The following GRIK2 variants were observed in gnomAD, a reference collection of about 807,000 sequenced individuals.
GRIK2 encodes glutamate receptor ionotropic, kainate 2.
In GRIK2, 32 loss-of-function variants were observed where a neutral mutation model predicts 100.3. The ratio of observed to expected loss-of-function variants is 0.32; its 90% CI spans 0.24 to 0.43. GRIK2 has a LOEUF of 0.43. Among genes scored for constraint, GRIK2 ranks in the 20% least tolerant of loss-of-function variants. The probability of loss-of-function intolerance (pLI) is 1.00; values close to 1 mark genes in which losing one functional copy is unlikely to be tolerated. For missense variants in GRIK2, 843 were observed against 1,114.9 expected (o/e 0.76, Z 3.47); for synonymous variants, 417 against 389.4 (o/e 1.07, Z -0.83).
intron 12 of GRIK2, among the ~76,000 whole-genome samples, chr6:101,898,113 T>C (rs1464233680): frequency 6.6e-6 from 1 of 151,880 alleles, no homozygotes; most frequent in Non-Finnish European, 1.5e-5. Context: ...ACTGTGTGTT[T>C]TTATGATATG....
intron 7 of GRIK2, among the ~76,000 whole-genome samples, chr6:101,717,302 A>G (rs1341068857): frequency 1.3e-5 from 2 of 151,528 alleles, no homozygotes; most frequent in African/African-American, 4.8e-5. Flanking sequence ...ACTGCCTTTC[A>G]TCTTTCATTC....
rs58680927 is a variant in GRIK2, at chr6:101,822,207, T to TACACACAC, written c.1317+3754_1317+3761dup. 1.8e-3 allele frequency among the ~76,000 whole-genome samples: 251 copies of TACACACAC among 143,248 alleles called. No individual in the cohort carries two copies. The East Asian group carries it at 0.023, about 13-fold the overall frequency. The allele number at this position is 143,248 out of a possible 152,430, so 94.0% of individuals were successfully genotyped here. ...TGGCAGGAATTCATATGGAGAGTTT[T>TACACACAC]ACACACACACACACACACACACACA... is the stretch of plus-strand genomic sequence containing the variant. On this transcript the variant is annotated intron_variant, in intron 10 of 16. Transcript: ENST00000369134.
intron 7 of GRIK2, among the ~76,000 whole-genome samples, chr6:101,762,334 C>A (rs1001042492): frequency 2.0e-5 from 3 of 151,976 alleles, no homozygotes; most frequent in African/African-American, 4.8e-5. Flanking sequence ...ATCATGAAGC[C>A]TGGCTAATTT....
intron 2 of GRIK2, among the ~76,000 whole-genome samples, chr6:101,581,313 T>C (rs759093345): frequency 6.6e-5 from 10 of 151,998 alleles, no homozygotes; most frequent in East Asian, 1.9e-4. Flanking sequence ...TATATACATA[T>C]GTATATGTAT....
At chr6:101,466,144 G>A (rs1424619071) in intron 2 of GRIK2, among the ~76,000 whole-genome samples, 3 of 152,054 alleles carry the variant, frequency 2.0e-5, no homozygotes, top group Non-Finnish European at 2.9e-5. Flanking sequence ...ACGTCAAAGT[G>A]TTTCTTTCTG....
intron 13 of GRIK2, among the ~76,000 whole-genome samples, chr6:101,926,661 C>T (rs544184101): frequency 2.0e-4 from 30 of 152,134 alleles, no homozygotes; most frequent in African/African-American, 7.2e-4. Flanking sequence ...CACATAACTA[C>T]GTCACTGCTG....
At chr6:101,638,755 A>G (rs149011325) in intron 4 of GRIK2, among the ~76,000 whole-genome samples, 209 of 152,260 alleles carry the variant, frequency 1.4e-3, no homozygotes, top group African/African-American at 4.8e-3. Flanking sequence ...TTTAGTAACA[A>G]TAATGTCATT....
chr6:101,726,167 C>A (rs1165532883), intron 7 of GRIK2, among the ~76,000 whole-genome samples: 1 of 151,886 alleles, frequency 6.6e-6, no homozygotes, highest in Non-Finnish European at 1.5e-5. Context: ...GAAGAATAAT[C>A]TTCCTATGTT....
intron 8 of GRIK2, among the ~76,000 whole-genome samples, chr6:101,801,589 T>C (rs1000435099): frequency 2.0e-5 from 3 of 151,988 alleles, no homozygotes; most frequent in Non-Finnish European, 2.9e-5. Context: ...ATACATTTTA[T>C]AATTGAAAAT....
chr6:101,606,672 G>A (rs964860847), intron 2 of GRIK2, among the ~76,000 whole-genome samples: 19 of 152,022 alleles, frequency 1.2e-4, no homozygotes, highest in South Asian at 4.1e-4. Flanking sequence ...TTTCTTGTGA[G>A]TTCATATAAG....
chr6:101,478,635 TC>T (rs1191852572), intron 2 of GRIK2, among the ~76,000 whole-genome samples: 7 of 149,352 alleles, frequency 4.7e-5, no homozygotes, highest in African/African-American at 1.7e-4. Context: ...TGACTCAGCC[TC>T]CCGAGTAGCT....
chr6:101,639,483 C>A (rs550776364), intron 4 of GRIK2, among the ~76,000 whole-genome samples: 4 of 151,914 alleles, frequency 2.6e-5, no homozygotes, highest in African/African-American at 4.8e-5. Context: ...CAATAAATGA[C>A]CATGTTAGAC....
chr6:102,063,181 C>T (rs1771841069), intron 16 of GRIK2, among the ~76,000 whole-genome samples: 1 of 150,530 alleles, frequency 6.6e-6, no homozygotes, highest in African/African-American at 2.4e-5. Flanking sequence ...ATAGGAGTAG[C>T]TCAAATTTTG....
In GRIK2 at chr6:101,958,932, A is replaced by AT. The variant is rs548505765; in HGVS notation, c.2085+30306dup. Among the ~76,000 whole-genome samples, 46 of 151,984 alleles carry AT rather than the reference A, an allele frequency of 3.0e-4. No individual in the cohort carries two copies. In the East Asian group the frequency reaches 3.7e-3, roughly 12 times the overall value. On this transcript the variant is annotated intron_variant, in intron 14 of 16. Transcript: ENST00000369134. ...GTACTGTTGCATTTGGCTTGCTAGT[A>AT]TTTTTTAGAGGATTATTGTGTTTAC...
chr6:101,743,291 T>C (rs1776165330), intron 7 of GRIK2, among the ~76,000 whole-genome samples: 1 of 152,202 alleles, frequency 6.6e-6, no homozygotes, highest in Non-Finnish European at 1.5e-5. Flanking sequence ...AAAAGTTTAG[T>C]TTATATCGCT....
rs143158903 is a variant in GRIK2 at position 101,638,035 on chromosome 6, A to G, written c.541+11398A>G. Among the ~76,000 whole-genome samples, 116 of 152,106 alleles carry G rather than the reference A, an allele frequency of 7.6e-4. 1 individual carries two copies. Among genetic ancestry groups the G allele is most frequent in the African/African-American group, 2.5e-3 (105 of 41,530 alleles). On this transcript the variant is annotated intron_variant, in intron 4 of 16. Coordinates refer to ENST00000369134, the MANE Select transcript of GRIK2 (RefSeq NM_021956.5). ...CTTGATGCAAGAGTTACTTTAGTAG[A>G]TAAAATAGTTCATCTTCATTTCTGT...
intron 7 of GRIK2, among the ~76,000 whole-genome samples, chr6:101,788,674 T>C (rs1195728776): frequency 6.6e-6 from 1 of 152,184 alleles, no homozygotes; most frequent in Non-Finnish European, 1.5e-5. Context: ...TAAACATACA[T>C]GTGCATGTGT....
chr6:101,963,970 G>A (rs980117829), intron 14 of GRIK2, among the ~76,000 whole-genome samples: 3 of 151,870 alleles, frequency 2.0e-5, no homozygotes, highest in Non-Finnish European at 4.4e-5. Context: ...GGCAAAATAT[G>A]CACCACTGCT....
At chr6:101,588,512 G>A (rs905952871) in intron 2 of GRIK2, among the ~76,000 whole-genome samples, 2 of 151,930 alleles carry the variant, frequency 1.3e-5, no homozygotes, top group South Asian at 2.1e-4. Context: ...AGGCCTGGTG[G>A]CACATACCTC....
Sources: gnomAD v4.1 joint callset for allele counts (sites outside exome capture counted in the v4.1 genomes callset) on GRCh38, gnomAD v4.1.1 for gene constraint, MANE v1.5 for transcripts, NCBI Gene and HGNC (gene_info 2026-07-23, HGNC 2026-07-21) for gene names.